The following CELF2 variants were observed in gnomAD, a reference collection of about 807,000 sequenced individuals.
The protein encoded by CELF2 is CUGBP Elav-like family member 2.
A neutral mutation model predicts 62.6 loss-of-function variants in CELF2; 8 were observed. The observed-to-expected ratio is 0.13, with a 90% confidence interval of 0.07 to 0.23. The LOEUF is 0.23. Among genes scored for constraint, CELF2 ranks in the 10% least tolerant of loss-of-function variants. The pLI is 1.00. For missense variants in CELF2, 333 were observed against 671.0 expected, an observed-to-expected ratio of 0.50 and a Z score of 5.56; for synonymous variants, 258 against 250.0, an observed-to-expected ratio of 1.03 and a Z score of -0.30.
chr10:11,108,878 T>C (rs1554841753), intron 1 of CELF2, among the ~76,000 whole-genome samples: 1 of 152,226 alleles, frequency 6.6e-6, no homozygotes, highest in Non-Finnish European at 1.5e-5. Context: ...TGCACATTTT[T>C]CCATTGGGTT....
chr10:10,844,943 T>C (rs1362997224), intron 1 of CELF2, among the ~76,000 whole-genome samples: 2 of 152,154 alleles, frequency 1.3e-5, no homozygotes, highest in African/African-American at 4.8e-5. Context: ...GAGTTTCATG[T>C]GAGATGGATG....
rs2062736125 is a variant in CELF2, at chr10:11,214,379, C to A, written c.272-3046C>A. Among the ~76,000 whole-genome samples, 1 of 152,204 alleles carries A rather than the reference C, an allele frequency of 6.6e-6. No homozygotes were observed. The highest frequency in any genetic ancestry group is 1.9e-4 in the East Asian group (1 of 5,198). ...TCATTCAGAAACTAAATGTGAAAAA[C>A]CAAAAGAAGCCTCTGGGGTTAGTAT... On this transcript the variant is annotated intron_variant, in intron 2 of 12. Coordinates refer to ENST00000633077, the MANE Select transcript of CELF2 (RefSeq NM_001326342.2). This position sits in a 1 kb window ranked among gnomAD's most constrained non-coding sequence, Gnocchi z 4.2.
the CELF2 span, among the ~76,000 whole-genome samples, chr10:10,654,041 C>T: frequency 6.7e-6 from 1 of 150,112 alleles, no homozygotes; most frequent in Non-Finnish European, 1.5e-5. Flanking sequence ...GGGATATCAC[C>T]ACTGATCCCA....
chr10:10,558,931 G>T, the CELF2 span, among the ~76,000 whole-genome samples: 2 of 152,054 alleles, frequency 1.3e-5, no homozygotes, highest in Non-Finnish European at 2.9e-5. Flanking sequence ...ATTATAAAAT[G>T]TACACTGAAT....
chr10:10,564,099 G>T, the CELF2 span, among the ~76,000 whole-genome samples: 6 of 152,144 alleles, frequency 3.9e-5, no homozygotes, highest in Non-Finnish European at 8.8e-5. Context: ...CCCATCCTTT[G>T]CTCGCTACCT....
At chr10:10,824,119 A>G (rs551074833) in intron 1 of CELF2, among the ~76,000 whole-genome samples, 61 of 152,202 alleles carry the variant, frequency 4.0e-4, no homozygotes, top group Non-Finnish European at 7.1e-4. Context: ...TTCTAATACC[A>G]TTTGGAATTT....
chr10:11,109,683 C>G (rs149515024), intron 1 of CELF2, among the ~76,000 whole-genome samples: 2 of 152,310 alleles, frequency 1.3e-5, no homozygotes, highest in East Asian at 1.9e-4. Context: ...TTCAGTCTCT[C>G]TACCCCTCAC....
intron 1 of CELF2, among the ~76,000 whole-genome samples, chr10:11,118,003 TA>T (rs2056924725): frequency 6.6e-6 from 1 of 152,160 alleles, no homozygotes; most frequent in South Asian, 2.1e-4. Context: ...TCTATGTTTT[TA>T]AAAAACAAAA....
the CELF2 span, among the ~76,000 whole-genome samples, chr10:10,620,772 G>A: frequency 2.7e-5 from 4 of 148,206 alleles, no homozygotes; most frequent in Non-Finnish European, 5.9e-5. Context: ...CGGGAGTGGT[G>A]GCAGGCGCCT....
At chr10:10,511,930 A>G in the CELF2 span, among the ~76,000 whole-genome samples, 1 of 152,150 alleles carries the variant, frequency 6.6e-6, no homozygotes, top group Non-Finnish European at 1.5e-5. Context: ...TGCAAACATG[A>G]TATCTGTTTC....
At chr10:10,839,694 C>T (rs1042512764) in intron 1 of CELF2, among the ~76,000 whole-genome samples, 1 of 152,134 alleles carries the variant, frequency 6.6e-6, no homozygotes, top group Admixed American at 6.5e-5. Context: ...GAATTCCACC[C>T]TGGGATTCCT....
chr10:10,704,680 T>C, the CELF2 span, among the ~76,000 whole-genome samples: 5 of 152,098 alleles, frequency 3.3e-5, no homozygotes, highest in African/African-American at 7.2e-5. Context: ...AGTTAACTCA[T>C]AGGCAGGCAC....
At chr10:11,168,782 G>T (rs1251422677) in intron 2 of CELF2, 2 of 152,148 alleles carry the variant, frequency 1.3e-5, no homozygotes, top group African/African-American at 2.4e-5. Context: ...GAGACACAAA[G>T]ACTTGGTCAT....
chr10:10,906,960 A>G (rs1464499216), intron 1 of CELF2, among the ~76,000 whole-genome samples: 1 of 150,794 alleles, frequency 6.6e-6, no homozygotes, highest in African/African-American at 2.4e-5. Flanking sequence ...CTCGTGATCC[A>G]CCCCCCTCAG....
chr10:10,858,037 T>C (rs183639398), intron 1 of CELF2, among the ~76,000 whole-genome samples: 3 of 151,840 alleles, frequency 2.0e-5, no homozygotes, highest in African/African-American at 7.2e-5. Context: ...TCAGAGATAA[T>C]AAAGGTGGAA....
intron 1 of CELF2, among the ~76,000 whole-genome samples, chr10:10,868,243 A>G (rs2060507917): frequency 6.6e-6 from 1 of 152,182 alleles, no homozygotes; most frequent in Non-Finnish European, 1.5e-5. Context: ...ACTTGACGTC[A>G]GATGTTGGCT....
chr10:10,842,559 T>C (rs1246880548), intron 1 of CELF2, among the ~76,000 whole-genome samples: 2 of 152,104 alleles, frequency 1.3e-5, no homozygotes, highest in Admixed American at 1.3e-4. Flanking sequence ...CATATGAGTT[T>C]CCTGCTTTAG....
intron 9 of CELF2, among the ~76,000 whole-genome samples, chr10:11,308,535 C>G (rs1235341486): frequency 1.3e-5 from 2 of 152,116 alleles, no homozygotes; most frequent in Non-Finnish European, 2.9e-5. Context: ...ACTGTGGAGC[C>G]CTATGGTGAA....
chr10:10,912,167 A>G (rs2063868181), intron 1 of CELF2, among the ~76,000 whole-genome samples: 1 of 151,294 alleles, frequency 6.6e-6, no homozygotes, highest in Non-Finnish European at 1.5e-5. Flanking sequence ...AAGCGGTTGC[A>G]TTTAATGCAG....
Sources: gnomAD v4.1 joint callset for allele counts (sites outside exome capture counted in the v4.1 genomes callset) on GRCh38, gnomAD v4.1.1 for gene constraint, Gnocchi (gnomAD v3.1) non-coding constraint, MANE v1.5 for transcripts, NCBI Gene and HGNC (gene_info 2026-07-23, HGNC 2026-07-21) for gene names.